Variants in ARHGEF5 observed in about 807,000 individuals in gnomAD.
ARHGEF5 encodes the protein Rho guanine nucleotide exchange factor 5.
ARHGEF5 carries 11 observed loss-of-function variants against 104.0 expected under a neutral mutation model. The ratio of observed to expected loss-of-function variants is 0.11; its 90% CI spans 0.07 to 0.18. The LOEUF (loss-of-function observed/expected upper bound fraction) is 0.18. ARHGEF5 is among the 10% of genes least tolerant of loss of function. The probability of loss-of-function intolerance (pLI) is 1.00; values close to 1 mark genes in which losing one functional copy is unlikely to be tolerated. For synonymous variants in ARHGEF5, 60 were observed against 512.2 expected (o/e 0.12, Z 11.92); for missense variants, 165 against 1,335.4 (o/e 0.12, Z 13.66).
In ARHGEF5 at chr7:144,380,310, C is replaced by T. The variant is rs2053792437; in HGVS notation, c.*254C>T. ...ATTAAAAAAAGGGGGACCATTGGGG[C>T]CTGAGCCAAGGAACTTTCCTTCTAC... On this transcript the variant is annotated 3_prime_UTR_variant, in exon 15 of 15. Transcript: ENST00000056217. 1 of 419,086 alleles carries T rather than the reference C, an allele frequency of 2.4e-6. No homozygotes were observed. Among genetic ancestry groups the T allele is most frequent in the Non-Finnish European group, 4.3e-6 (1 of 230,234 alleles). 26.0% of individuals were successfully genotyped at this position (419,086 alleles called of 1,614,324 possible). A position where few individuals can be genotyped will look rare whatever the true frequency, so the allele number is the denominator to read the frequency against.
Position 144,380,100 on chromosome 7 carries a change from C to A in ARHGEF5, c.*44C>A. The A allele has an allele frequency of 6.2e-7, 1 of 1,611,610 alleles. No individual in the cohort carries two copies. Among genetic ancestry groups the A allele is most frequent in the South Asian group, 1.1e-5 (1 of 90,752 alleles). On this transcript the variant is annotated 3_prime_UTR_variant, in exon 15 of 15. Transcript: ENST00000056217. ...TTCGTGAGCTGAAGAACAAGCTGCTCATGGCAAGGGCTGGCCCCAGAACCC... is the reference window on the plus strand; with the variant it reads ...TTCGTGAGCTGAAGAACAAGCTGCTAATGGCAAGGGCTGGCCCCAGAACCC...
rs2053795333 is a variant in ARHGEF5, at chr7:144,380,608, AAT to A, written c.*554_*555del. On this transcript the variant is annotated 3_prime_UTR_variant, in exon 15 of 15. Coordinates refer to ENST00000056217, the MANE Select transcript of ARHGEF5 (RefSeq NM_005435.4). ...TGTGAGGGTGATACTCTCTCACTCT[AAT>A]AAACTTGGCACTTCTCCGAGTATTT... The A allele has an allele frequency of 6.6e-6, 1 of 152,626 alleles. No individual in the cohort carries two copies. Among genetic ancestry groups the A allele is most frequent in the South Asian group, 2.1e-4 (1 of 4,834 alleles). 9.5% of individuals were successfully genotyped at this position (152,626 alleles called of 1,614,324 possible). A position where few individuals can be genotyped will look rare whatever the true frequency, so the allele number is the denominator to read the frequency against.
chr7:144,361,485 C>T (rs1392129018), intron 1 of ARHGEF5, among the ~76,000 whole-genome samples: 3 of 137,756 alleles, frequency 2.2e-5, no homozygotes, highest in East Asian at 3.9e-4. Flanking sequence ...ATGAAGACAG[C>T]AGATAAGAGC....
intron 5 of ARHGEF5, among the ~76,000 whole-genome samples, chr7:144,368,583 CAT>C (rs2053703866): frequency 1.5e-5 from 1 of 64,600 alleles, no homozygotes; most frequent in African/African-American, 7.1e-5. Flanking sequence ...AGCCTTATAA[CAT>C]CACTAAATCT....
chr7:144,357,726 G>C (rs1394724792), intron 1 of ARHGEF5, among the ~76,000 whole-genome samples: 1 of 151,866 alleles, frequency 6.6e-6, no homozygotes, highest in Non-Finnish European at 1.5e-5. Context: ...CTAAGGTGTT[G>C]GGGGGGGCTC....
At chr7:144,378,717 T>A in intron 13 of ARHGEF5, 45 bp from the exon 14 acceptor site, 1 of 1,553,824 alleles carries the variant, frequency 6.4e-7, no homozygotes, top group Non-Finnish European at 8.8e-7. Context: ...TGTGTTCCAA[T>A]CCCCTGCCTC....
At chr7:144,379,762 C>T in intron 14 of ARHGEF5, 137 bp from the exon 15 acceptor site, 1 of 1,175,204 alleles carries the variant, frequency 8.5e-7, no homozygotes, top group Non-Finnish European at 1.2e-6. Context: ...TGTTAGGACA[C>T]TTGGAGGCTG....
At chr7:144,377,357 C>A (rs959475088) in intron 13 of ARHGEF5, among the ~76,000 whole-genome samples, 167 bp downstream of exon 13, 1 of 152,180 alleles carries the variant, frequency 6.6e-6, no homozygotes, top group South Asian at 2.1e-4. Context: ...TGAAATATAT[C>A]GCCTAAAACT....
Position 144,363,311 on chromosome 7 carries a change from G to A in ARHGEF5, c.642G>A (p.Glu214=). 3 of 1,592,580 alleles carry A rather than the reference G, an allele frequency of 1.9e-6. 1 individual carries two copies. Among genetic ancestry groups the A allele is most frequent in the East Asian group, 2.2e-5 (1 of 44,880 alleles). The change falls in exon 2 of 15, where the codon GAG becomes GAA. Residue 214 remains glutamate (E), a synonymous_variant. Transcript: ENST00000056217. ...IRQGEELPPE[E]LQESQGLLHP... is the part of the protein sequence containing the mutation. ...AGGGGGAAGAGCTGCCACCTGAGGA[G>A]CTGCAGGAAAGTCAAGGGCTCTTGC...
rs1040382186 is a variant in ARHGEF5 at position 144,378,832 on chromosome 7, C to T, written c.4602C>T (p.Ala1534=). Residue 1534 remains alanine (A), a synonymous_variant, in exon 14 of 15, where the codon GCC becomes GCT. Transcript: ENST00000056217. ...RENDELALEK[A]DVVMVTQQSS... ...ATGATGAATTGGCACTGGAGAAAGC[C>T]GACGTGGTGATGGTGACTCAGCAGA... The T allele has an allele frequency of 5.0e-6, 8 of 1,613,956 alleles. No homozygotes were observed. Among genetic ancestry groups the T allele is most frequent in the African/African-American group, 2.7e-5 (2 of 74,906 alleles).
chr7:144,379,904 C>T lies in ARHGEF5; in HGVS notation c.4642C>T (p.Leu1548=), dbSNP rs756733119. ...MVTQQSSDGW[L]EGVRLSDGER... ...CACTCACCCTGTGCCCACAGGCTGG[C>T]TGGAGGGCGTGAGGCTCTCAGACGG... Residue 1548 remains leucine (L), a synonymous_variant, in exon 15 of 15, where the codon CTG becomes TTG. Transcript: ENST00000056217. 32 of 1,614,032 alleles carry T rather than the reference C, an allele frequency of 2.0e-5. No individual in the cohort carries two copies. In the African/African-American group the frequency reaches 3.9e-4, roughly 20 times the overall value.
Position 144,380,188 on chromosome 7 carries a change from G to A in ARHGEF5, c.*132G>A. On this transcript the variant is annotated 3_prime_UTR_variant, in exon 15 of 15. Transcript: ENST00000056217. ...TCTCAAAGCTCAAGGACAAAATCCAGCTAACCCAGTCCCTCGGCCCAGGCC... is the reference window on the plus strand; with the variant it reads ...TCTCAAAGCTCAAGGACAAAATCCAACTAACCCAGTCCCTCGGCCCAGGCC... 1 of 1,229,220 alleles carries A rather than the reference G, an allele frequency of 8.1e-7. No individual in the cohort carries two copies. The highest frequency in any genetic ancestry group is 1.1e-6 in the Non-Finnish European group (1 of 885,326). The allele number at this position is 1,229,220 out of a possible 1,614,324, so 76.1% of individuals were successfully genotyped here. A position where few individuals can be genotyped will look rare whatever the true frequency, so the allele number is the denominator to read the frequency against.
rs2053778565 is a variant in ARHGEF5 at position 144,378,668 on chromosome 7, C to T, written c.4532-94C>T. ...TTCAACAGCCCAAATCTGTCTCTAT[C>T]TCAAGTCCTCCCACGCCACCCCCCT... On this transcript the variant is annotated intron_variant, in intron 13 of 14. Transcript: ENST00000056217. 3 of 1,030,108 alleles carry T rather than the reference C, an allele frequency of 2.9e-6. No homozygotes were observed. The East Asian group carries it at 7.5e-5, about 26-fold the overall frequency. The allele number at this position is 1,030,108 out of a possible 1,614,324, so 63.8% of individuals were successfully genotyped here. A position where few individuals can be genotyped will look rare whatever the true frequency, so the allele number is the denominator to read the frequency against.
At chr7:144,370,786 A>T (rs1323081494) in intron 5 of ARHGEF5, among the ~76,000 whole-genome samples, 1 of 143,210 alleles carries the variant, frequency 7.0e-6, no homozygotes, top group Non-Finnish European at 1.5e-5. Context: ...TTTTAATATA[A>T]ATTTCATTGT....
In ARHGEF5 at chr7:144,360,365, C is replaced by A. The variant is rs1487732013; in HGVS notation, c.-12-2293C>A. Among the ~76,000 whole-genome samples, 2 of 99,508 alleles carry A rather than the reference C, an allele frequency of 2.0e-5. 1 individual carries two copies. Among genetic ancestry groups the A allele is most frequent in the African/African-American group, 7.4e-5 (2 of 26,980 alleles). 65.3% of individuals were successfully genotyped at this position (99,508 alleles called of 152,430 possible). On this transcript the variant is annotated intron_variant, in intron 1 of 14. Coordinates refer to ENST00000056217, the MANE Select transcript of ARHGEF5 (RefSeq NM_005435.4). The stretch of plus-strand genomic sequence containing the variant: ...GATTCAAGCAATCAACCTGCCTCAG[C>A]CTCCCAGAGTGTCAGGATTATATAC...
intron 3 of ARHGEF5, among the ~76,000 whole-genome samples, 160 bp downstream of exon 3, chr7:144,366,572 GC>G (rs1243490863): frequency 3.1e-5 from 3 of 97,134 alleles, no homozygotes; most frequent in African/African-American, 1.1e-4. Flanking sequence ...ATGCCGGGAT[GC>G]CAGCTTAGGG....
rs755698995 is a variant in ARHGEF5 at position 144,380,100 on chromosome 7, C to T, written c.*44C>T. 2.5e-6 allele frequency: 4 copies of T among 1,611,610 alleles called. No individual in the cohort carries two copies. Among genetic ancestry groups the T allele is most frequent in the Non-Finnish European group, 3.4e-6 (4 of 1,178,328 alleles). The stretch of plus-strand genomic sequence containing the variant: ...TTCGTGAGCTGAAGAACAAGCTGCT[C>T]ATGGCAAGGGCTGGCCCCAGAACCC... On this transcript the variant is annotated 3_prime_UTR_variant, in exon 15 of 15. Transcript: ENST00000056217.
At chr7:144,377,891 A>C (rs1168804060) in intron 13 of ARHGEF5, among the ~76,000 whole-genome samples, 2 of 152,328 alleles carry the variant, frequency 1.3e-5, no homozygotes, top group African/African-American at 4.8e-5. Context: ...TGCTGGCTTC[A>C]GTTCCCCAGT....
intron 13 of ARHGEF5, 147 bp downstream of exon 13, chr7:144,377,337 C>A: frequency 1.4e-6 from 2 of 1,432,128 alleles, no homozygotes; most frequent in Non-Finnish European, 9.4e-7. Flanking sequence ...GCCTCTAGAG[C>A]TTAAAAACCT....
Sources: gnomAD v4.1 joint callset for allele counts (sites outside exome capture counted in the v4.1 genomes callset) on GRCh38, gnomAD v4.1.1 for gene constraint, MANE v1.5 for transcripts, NCBI Gene and HGNC (gene_info 2026-07-23, HGNC 2026-07-21) for gene names.